The following UNC80 variants were observed in gnomAD, a reference collection of about 807,000 sequenced individuals.
UNC80 encodes protein unc-80 homolog.
Under a neutral mutation model 384.6 loss-of-function variants are expected in UNC80, and 164 were observed. That is an observed-to-expected ratio of 0.43 (90% CI 0.38 to 0.49). UNC80 has a LOEUF of 0.49. Among genes scored for constraint, UNC80 ranks in the 20% least tolerant of loss-of-function variants. The probability of loss-of-function intolerance (pLI) is 0.00; values close to 1 mark genes in which losing one functional copy is unlikely to be tolerated. For missense variants in UNC80, 3,330 were observed against 4,143.0 expected (o/e 0.80, Z 5.39); for synonymous variants, 1,486 against 1,527.8 (o/e 0.97, Z 0.64).
rs1186781413 is a variant in UNC80, at chr2:209,854,549, A to G, written c.3627+4926A>G. The stretch of plus-strand genomic sequence containing the variant: ...GAATGGGAGAAAATTTTTGCAATCT[A>G]TCCATATGACAAAAGTCTAATATCC... On this transcript the variant is annotated intron_variant, in intron 22 of 64. Coordinates refer to ENST00000673920, the MANE Select transcript of UNC80 (RefSeq NM_001371986.1). Among the ~76,000 whole-genome samples, 3 of 152,160 alleles carry G rather than the reference A, an allele frequency of 2.0e-5. No individual in the cohort carries two copies. In the East Asian group the frequency reaches 5.8e-4, roughly 29 times the overall value.
Position 209,849,632 on chromosome 2 carries a change from G to T in UNC80, c.3627+9G>T. 1 of 1,549,918 alleles carries T rather than the reference G, an allele frequency of 6.5e-7. No homozygotes were observed. On this transcript the variant is annotated intron_variant, in intron 22 of 64. Coordinates refer to ENST00000673920, the MANE Select transcript of UNC80 (RefSeq NM_001371986.1). ...CAGCTGCCTTGGATCTAGTAAGTTG[G>T]TGAAAGAATTTTCCCACCCTGCCCC...
Position 209,993,301 on chromosome 2 carries a change from C to G in UNC80, c.9397-14C>G, listed in dbSNP as rs1445814413. ...AGACCCTCTTGCAAGTTTTATTCTG[C>G]CTATTCTCTTTAGCTAAGACGTCCT... is the stretch of plus-strand genomic sequence containing the variant. On this transcript the variant is annotated splice_polypyrimidine_tract_variant and intron_variant, in intron 62 of 64. Transcript: ENST00000673920. The G allele has an allele frequency of 2.6e-6, 4 of 1,548,004 alleles. No homozygotes were observed. In the Admixed American group the frequency reaches 5.9e-5, roughly 23 times the overall value.
At chr2:209,835,597 A>T (rs1212047565) in intron 18 of UNC80, among the ~76,000 whole-genome samples, 1 of 152,160 alleles carries the variant, frequency 6.6e-6, no homozygotes, top group South Asian at 2.1e-4. Flanking sequence ...GTTATCATAG[A>T]CACTAATTGT....
intron 4 of UNC80, 65 bp from the exon 5 acceptor site, chr2:209,786,001 G>T (rs546441871): frequency 3.9e-6 from 6 of 1,553,830 alleles, no homozygotes; most frequent in South Asian, 1.2e-5. Flanking sequence ...TCCTTGCATT[G>T]ATTGGTCCCT....
chr2:209,772,971 T>A, intron 1 of UNC80, 123 bp from the exon 2 acceptor site: 2 of 764,802 alleles, frequency 2.6e-6, no homozygotes, highest in Non-Finnish European at 4.3e-6. Flanking sequence ...TAAAAAGCTA[T>A]AAGGAAGCAT....
At chr2:209,931,364 A>AAC (rs61386739) in intron 38 of UNC80, among the ~76,000 whole-genome samples, 24,007 of 125,194 alleles carry the variant, frequency 0.19, 2,287 homozygotes, top group Middle Eastern at 0.24. Flanking sequence ...TCTATGTTTA[A>AAC]ACACACACAC....
intron 8 of UNC80, among the ~76,000 whole-genome samples, 177 bp downstream of exon 8, chr2:209,814,018 G>A (rs2079550449): frequency 6.6e-6 from 1 of 152,056 alleles, no homozygotes. Flanking sequence ...GCTGGCTTTA[G>A]CACTTAATCA....
At chr2:209,855,257 G>C (rs1434109116) in intron 22 of UNC80, among the ~76,000 whole-genome samples, 1 of 152,068 alleles carries the variant, frequency 6.6e-6, no homozygotes, top group Non-Finnish European at 1.5e-5. Context: ...AGAACACATG[G>C]ACACATGGAC....
chr2:209,986,642 C>CA (rs1335423264), intron 61 of UNC80, among the ~76,000 whole-genome samples: 1 of 152,084 alleles, frequency 6.6e-6, no homozygotes. Context: ...TTTCTGTGAC[C>CA]ATTGTGTTTT....
intron 54 of UNC80, among the ~76,000 whole-genome samples, chr2:209,971,825 A>G (rs548725913): frequency 4.6e-5 from 7 of 152,376 alleles, no homozygotes; most frequent in Non-Finnish European, 8.8e-5. Flanking sequence ...GGCCAGAGGA[A>G]TAACTACCAA....
At chr2:209,953,066 A>G (rs2092260429) in intron 47 of UNC80, among the ~76,000 whole-genome samples, 1 of 152,142 alleles carries the variant, frequency 6.6e-6, no homozygotes, top group South Asian at 2.1e-4. Flanking sequence ...ATATCAACTC[A>G]TCACTGCTGT....
At chr2:209,880,865 T>C in intron 24 of UNC80, 96 bp from the exon 25 acceptor site, 3 of 1,211,668 alleles carry the variant, frequency 2.5e-6, no homozygotes, top group Non-Finnish European at 3.5e-6. Context: ...CATATGCAAT[T>C]TGATTCTATA....
At position 209,888,245 on chromosome 2, in the gene UNC80, G is replaced by A. The variant is rs1450662835; in HGVS notation, c.4261G>A (p.Val1421Ile). ...SSHTLKSDAG[V>I]EEKKVPSRKI... ...CCACACTCTCAAATCAGATGCAGGA[G>A]TCGAGGAGAAGAAAGGTATGGAAAC... The change falls in exon 26 of 65, where the codon GTC (valine) becomes ATC (isoleucine). Residue 1421 changes from valine to isoleucine, a missense_variant. This residue lies in a region of UNC80 where 801 missense variants were observed against 950.8 expected (regional missense o/e 0.84). Transcript: ENST00000673920. 1 of 1,551,726 alleles carries A rather than the reference G, an allele frequency of 6.4e-7. No homozygotes were observed. Among genetic ancestry groups the A allele is most frequent in the Non-Finnish European group, 8.7e-7 (1 of 1,146,976 alleles).
intron 22 of UNC80, among the ~76,000 whole-genome samples, chr2:209,854,094 G>A (rs1037506133): frequency 6.6e-6 from 1 of 152,144 alleles, no homozygotes; most frequent in African/African-American, 2.4e-5. Context: ...CAGGCTTATT[G>A]CATCAAATAT....
At chr2:209,903,566 A>ATATAT (rs1559299296) in intron 28 of UNC80, among the ~76,000 whole-genome samples, 1 of 2,416 alleles carries the variant, frequency 4.1e-4, no homozygotes, top group African/African-American at 2.8e-3. Context: ...TATATATACT[A>ATATAT]TATATATAGT....
At chr2:209,774,200 T>C (rs2076739455) in intron 2 of UNC80, among the ~76,000 whole-genome samples, 1 of 152,220 alleles carries the variant, frequency 6.6e-6, no homozygotes, top group African/African-American at 2.4e-5. Flanking sequence ...ACATGCCCAC[T>C]CACGTAGGAA....
At chr2:209,789,357 A>G (rs763515705) in intron 5 of UNC80, among the ~76,000 whole-genome samples, 175 bp from the exon 6 acceptor site, 1 of 152,220 alleles carries the variant, frequency 6.6e-6, no homozygotes, top group Non-Finnish European at 1.5e-5. Context: ...AACCAAAAAA[A>G]TGCTAAGATT....
chr2:209,947,955 T>C (rs571663478), intron 47 of UNC80, among the ~76,000 whole-genome samples: 1 of 152,318 alleles, frequency 6.6e-6, no homozygotes, highest in Non-Finnish European at 1.5e-5. Flanking sequence ...AATGTCTGAC[T>C]TCTGTCATTC....
chr2:209,844,950 G>A (rs1429157678), intron 21 of UNC80, among the ~76,000 whole-genome samples: 2 of 151,886 alleles, frequency 1.3e-5, no homozygotes, highest in African/African-American at 4.8e-5. Flanking sequence ...CGAACTGAAT[G>A]TGTATATCCT....
Sources: allele counts gnomAD v4.1 joint callset (sites outside exome capture counted in the v4.1 genomes callset), GRCh38; gene constraint gnomAD v4.1.1; regional missense constraint gnomAD v4.1.1; transcripts MANE v1.5; gene names NCBI Gene and HGNC (gene_info 2026-07-23, HGNC 2026-07-21).